The following ACSM2A variants were observed in gnomAD, a reference collection of about 807,000 sequenced individuals.
ACSM2A encodes the protein acyl-CoA synthetase medium chain family member 2A.
A neutral mutation model predicts 76.6 loss-of-function variants in ACSM2A; 72 were observed. That is an observed-to-expected ratio of 0.94 (90% CI 0.78 to 1.14). The LOEUF (loss-of-function observed/expected upper bound fraction) is 1.14, where lower values mean the gene tolerates loss of function less well. Among genes scored for constraint, ACSM2A ranks in the 50% most tolerant of loss-of-function variants. The probability of loss-of-function intolerance (pLI) is 0.00; values close to 1 mark genes in which losing one functional copy is unlikely to be tolerated. For synonymous variants in ACSM2A, 249 were observed against 255.9 expected, an observed-to-expected ratio of 0.97 and a Z score of 0.26; for missense variants, 684 against 708.5, an observed-to-expected ratio of 0.97 and a Z score of 0.39.
At chr16:20,459,536 T>A (rs566069519) in intron 1 of ACSM2A, among the ~76,000 whole-genome samples, 9 of 152,320 alleles carry the variant, frequency 5.9e-5, no homozygotes, top group Admixed American at 2.6e-4. Context: ...ACATTTCTTG[T>A]TGTTCTGGGT....
intron 1 of ACSM2A, chr16:20,452,600 T>A (rs187010967): frequency 2.4e-5 from 3 of 124,652 alleles, no homozygotes; most frequent in Non-Finnish European, 4.9e-5. Flanking sequence ...CTTATACATA[T>A]GAGTTTATAA....
intron 1 of ACSM2A, among the ~76,000 whole-genome samples, chr16:20,454,939 G>A (rs2012042379): frequency 6.6e-6 from 1 of 150,954 alleles, no homozygotes; most frequent in Non-Finnish European, 1.5e-5. Flanking sequence ...GAAATCTTCA[G>A]TGAAATAGAT....
chr16:20,469,701 A>C lies in ACSM2A; in HGVS notation c.578A>C (p.Asn193Thr). The C allele has an allele frequency of 6.2e-7, 1 of 1,613,784 alleles. No homozygotes were observed. The highest frequency in any genetic ancestry group is 8.5e-7 in the Non-Finnish European group (1 of 1,179,774). ...VSEKSCDGWL[N>T]FKKLLNEAST... Reference sequence around the variant, plus strand: ...GAGAAAAGCTGTGATGGGTGGCTGAACTTCAAGAAACTACTAAAGTGAGTA... The same window carrying C: ...GAGAAAAGCTGTGATGGGTGGCTGACCTTCAAGAAACTACTAAAGTGAGTA... Residue 193 changes from asparagine (N) to threonine (T), a missense_variant, in exon 4 of 14, where the codon AAC becomes ACC. Around this residue, in one of 3 missense-constraint regions of ACSM2A, gnomAD observed 519 missense variants for 549.5 expected, o/e 0.94. Coordinates refer to ENST00000573854, the MANE Select transcript of ACSM2A (RefSeq NM_001308172.2).
At chr16:20,476,650 C>G in intron 8 of ACSM2A, 1 of 986,424 alleles carries the variant, frequency 1.0e-6, no homozygotes, top group East Asian at 1.1e-4. Flanking sequence ...TCAGCAGCCT[C>G]TCTTCTGAGG....
Position 20,462,566 on chromosome 16 carries a change from T to G in ACSM2A, c.177+2275T>G, listed in dbSNP as rs376043602. Reference sequence around the variant, plus strand: ...TCTGATGGAGGCAAATTTTGAAATATCTAATAAAATTGCTGACATGTTTTG... The same window carrying G: ...TCTGATGGAGGCAAATTTTGAAATAGCTAATAAAATTGCTGACATGTTTTG... On this transcript the variant is annotated intron_variant, in intron 2 of 13. Transcript: ENST00000573854. 1.1e-3 allele frequency among the ~76,000 whole-genome samples: 160 copies of G among 152,262 alleles called. 1 individual carries two copies. The highest frequency in any genetic ancestry group is 3.4e-3 in the African/African-American group (140 of 41,538).
intron 1 of ACSM2A, among the ~76,000 whole-genome samples, chr16:20,458,901 TATGC>T (rs1231899032): frequency 8.7e-4 from 44 of 50,302 alleles, no homozygotes; most frequent in African/African-American, 7.8e-3. Flanking sequence ...ATTATATATA[TATGC>T]ATATATATAT....
chr16:20,452,926 A>G (rs1302818023), intron 1 of ACSM2A, among the ~76,000 whole-genome samples: 1 of 152,084 alleles, frequency 6.6e-6, no homozygotes, highest in Non-Finnish European at 1.5e-5. Context: ...ACCTTTGACC[A>G]TATGTGGAGA....
chr16:20,480,474 G>C, intron 10 of ACSM2A, 99 bp from the exon 11 acceptor site: 2 of 1,523,230 alleles, frequency 1.3e-6, no homozygotes, highest in Non-Finnish European at 1.8e-6. Flanking sequence ...CTGCACACCT[G>C]CAGTTTTAAT....
chr16:20,457,617 C>T lies in ACSM2A; in HGVS notation c.-8-2490C>T, dbSNP rs187152678. Among the ~76,000 whole-genome samples, 171 of 152,070 alleles carry T rather than the reference C, an allele frequency of 1.1e-3. 1 individual carries two copies. Among genetic ancestry groups the T allele is most frequent in the Non-Finnish European group, 2.2e-3 (150 of 67,924 alleles). ...AAGCATTTGACAAAAATCCAGCATC[C>T]TCTTATGATTAAAACCCTCAGCAAA... On this transcript the variant is annotated intron_variant, in intron 1 of 13. Coordinates refer to ENST00000573854, the MANE Select transcript of ACSM2A (RefSeq NM_001308172.2).
At chr16:20,468,389 G>A (rs1199553775) in intron 3 of ACSM2A, among the ~76,000 whole-genome samples, 1 of 152,080 alleles carries the variant, frequency 6.6e-6, no homozygotes. Context: ...ATTTTTTTGA[G>A]ACGGAGTCTC....
At position 20,475,724 on chromosome 16, in the gene ACSM2A, G is replaced by C; in HGVS notation, c.1049G>C (p.Arg350Thr). ...CTTCCAGAAACTCTGGAGAACTGGAGGGCCCAGACAGGACTGGACATCCGA... is the reference window on the plus strand; with the variant it reads ...CTTCCAGAAACTCTGGAGAACTGGACGGCCCAGACAGGACTGGACATCCGA... ...SLLPETLENW[R>T]AQTGLDIRES... The change falls in exon 8 of 14, where the codon AGG becomes ACG. Residue 350 changes from arginine to threonine, a missense_variant. This residue lies in a region of ACSM2A where 519 missense variants were observed against 549.5 expected (regional missense o/e 0.94). Transcript: ENST00000573854. 6.2e-7 allele frequency: 1 copy of C among 1,614,050 alleles called. No homozygotes were observed. The highest frequency in any genetic ancestry group is 8.5e-7 in the Non-Finnish European group (1 of 1,179,930).
chr16:20,452,628 A>C (rs989977837), intron 1 of ACSM2A, among the ~76,000 whole-genome samples: 4 of 136,532 alleles, frequency 2.9e-5, no homozygotes, highest in Middle Eastern at 3.4e-3. Flanking sequence ...ATATTCCATT[A>C]GTTCTGTTTC....
rs546395481 is a variant in ACSM2A, at chr16:20,473,968, A to C, written c.895-1394A>C. The C allele has an allele frequency of 3.3e-4, 142 of 431,036 alleles. 1 individual carries two copies. The highest frequency in any genetic ancestry group is 2.1e-3 in the African/African-American group (102 of 49,058). 26.7% of individuals were successfully genotyped at this position (431,036 alleles called of 1,614,324 possible). A position where few individuals can be genotyped will look rare whatever the true frequency, so the allele number is the denominator to read the frequency against. On this transcript the variant is annotated intron_variant, in intron 6 of 13. Transcript: ENST00000573854. ...TTCTATTGATCCCAGGTCTTTAGAT[A>C]AACTCAACCAATTGTCAACCAGAAA...
intron 6 of ACSM2A, among the ~76,000 whole-genome samples, chr16:20,472,703 T>C (rs1437188738): frequency 2.6e-5 from 4 of 151,836 alleles, no homozygotes; most frequent in Non-Finnish European, 5.9e-5. Context: ...TTTTATCTCT[T>C]CTTGGAATTT....
chr16:20,468,806 A>T (rs979410030), intron 3 of ACSM2A, among the ~76,000 whole-genome samples: 122 of 152,238 alleles, frequency 8.0e-4, no homozygotes, highest in African/African-American at 2.7e-3. Context: ...TTTAAGATAA[A>T]TTGTACAGCA....
chr16:20,468,206 T>C (rs1196300957), intron 3 of ACSM2A, among the ~76,000 whole-genome samples: 3 of 152,022 alleles, frequency 2.0e-5, no homozygotes, highest in Admixed American at 2.0e-4. Context: ...TTGGCCACCA[T>C]GGTAGAGAAA....
rs2012933527 is a variant in ACSM2A, at chr16:20,465,521, G to A, written c.182G>A (p.Gly61Asp). ...LDHWADMEKA[G>D]KRLPSPALWW... ...ACAGGGCTTCTCTTTCCTCAGGCTG[G>A]CAAGCGACTCCCAAGCCCAGCCCTG... Residue 61 changes from glycine (G) to aspartate (D), a missense_variant, in exon 3 of 14, where the codon GGC (glycine) becomes GAC (aspartate). Gly to Asp is a moderately conservative substitution (Grantham distance 94). Around this residue, in one of 3 missense-constraint regions of ACSM2A, gnomAD observed 519 missense variants for 549.5 expected, o/e 0.94. Coordinates refer to ENST00000573854, the MANE Select transcript of ACSM2A (RefSeq NM_001308172.2). 6.2e-7 allele frequency: 1 copy of A among 1,613,848 alleles called. No individual in the cohort carries two copies. Among genetic ancestry groups the A allele is most frequent in the Non-Finnish European group, 8.5e-7 (1 of 1,179,784 alleles).
Position 20,471,482 on chromosome 16 carries a change from G to A in ACSM2A, c.741-54G>A, listed in dbSNP as rs542713524. ...CCTCCCCTACACCTTAGTGTCCCACGCATCCTAAGCATGCACCCACCTATA... is the reference window on the plus strand; with the variant it reads ...CCTCCCCTACACCTTAGTGTCCCACACATCCTAAGCATGCACCCACCTATA... On this transcript the variant is annotated intron_variant, in intron 5 of 13. Coordinates refer to ENST00000573854, the MANE Select transcript of ACSM2A (RefSeq NM_001308172.2). The A allele has an allele frequency of 1.2e-4, 184 of 1,565,408 alleles. 1 individual carries two copies. The East Asian group carries it at 3.0e-3, about 26-fold the overall frequency.
chr16:20,487,203 G>T lies in ACSM2A; in HGVS notation c.*525G>T, dbSNP rs532909922. 1 of 152,168 alleles carries T rather than the reference G, an allele frequency of 6.6e-6. No homozygotes were observed. Among genetic ancestry groups the T allele is most frequent in the African/African-American group, 2.4e-5 (1 of 41,496 alleles). 9.4% of individuals were successfully genotyped at this position (152,168 alleles called of 1,614,324 possible). On this transcript the variant is annotated 3_prime_UTR_variant, in exon 14 of 14. Transcript: ENST00000573854. Reference sequence around the variant, plus strand: ...AATTGTAAAAATAAAAATAGTAAAAGAAACTGATAAAGAAAAGTAATGGAA... The same window carrying T: ...AATTGTAAAAATAAAAATAGTAAAATAAACTGATAAAGAAAAGTAATGGAA...
Sources: gnomAD v4.1 joint callset for allele counts (sites outside exome capture counted in the v4.1 genomes callset) on GRCh38, gnomAD v4.1.1 for gene constraint, gnomAD v4.1.1 regional missense constraint, MANE v1.5 for transcripts, NCBI Gene and HGNC (gene_info 2026-07-23, HGNC 2026-07-21) for gene names.